Variants in GRIN2A observed in about 807,000 individuals in gnomAD.
GRIN2A encodes the protein glutamate receptor ionotropic, NMDA 2A.
A neutral mutation model predicts 113.4 loss-of-function variants in GRIN2A; 22 were observed. That is an observed-to-expected ratio of 0.19 (90% CI 0.14 to 0.28). The LOEUF is 0.28. Ranked by LOEUF, GRIN2A falls within the 10% of genes least tolerant of loss-of-function variation. The pLI is 1.00. For synonymous variants in GRIN2A, 827 were observed against 738.4 expected (o/e 1.12, Z -1.94); for missense variants, 1,502 against 1,887.0 (o/e 0.80, Z 3.78).
chr16:10,121,524 G>A (rs1416087003), intron 2 of GRIN2A: 1 of 152,136 alleles, frequency 6.6e-6, no homozygotes, highest in Non-Finnish European at 1.5e-5. Flanking sequence ...TGTGACCATG[G>A]AAATCAGGCA....
rs766736618 is a variant in GRIN2A at position 9,938,507 on chromosome 16, C to T, written c.459G>A (p.Gln153=). Residue 153 remains glutamine (Q), a synonymous_variant, in exon 3 of 13, where the codon CAG becomes CAA. Transcript: ENST00000330684. ...TGATCTTCAGCATGACCGTGGCTTG[C>T]TGCTGGATGGACGCTCCAAACTGGA... ...TFFQFGASIQ[Q]QATVMLKIMQ... 3.1e-6 allele frequency: 5 copies of T among 1,610,466 alleles called. 1 individual carries two copies. The South Asian group carries it at 4.4e-5, about 14-fold the overall frequency.
intron 10 of GRIN2A, among the ~76,000 whole-genome samples, chr16:9,799,969 A>ATTG (rs869278865): frequency 7.4e-5 from 5 of 67,352 alleles, no homozygotes; most frequent in Admixed American, 2.5e-4. Flanking sequence ...CCTAAATATT[A>ATTG]TTATTATTAT....
intron 2 of GRIN2A, among the ~76,000 whole-genome samples, chr16:10,011,785 A>C (rs2046510280): frequency 6.6e-6 from 1 of 152,120 alleles, no homozygotes; most frequent in African/African-American, 2.4e-5. Context: ...GACGTTCACC[A>C]AGCATCGTTC....
intron 2 of GRIN2A, among the ~76,000 whole-genome samples, chr16:9,948,407 A>G (rs2045076241): frequency 6.6e-6 from 1 of 152,180 alleles, no homozygotes; most frequent in Non-Finnish European, 1.5e-5. Context: ...CTGCTAGTCC[A>G]TGGACCAAGC....
At chr16:10,127,220 C>A (rs35704546) in intron 2 of GRIN2A, among the ~76,000 whole-genome samples, 13,797 of 149,092 alleles carry the variant, frequency 0.093, 668 homozygotes, top group Middle Eastern at 0.11. Context: ...AACAGAGATT[C>A]AGTCTTGAAA....
chr16:10,049,506 T>C (rs2047319333), intron 2 of GRIN2A, among the ~76,000 whole-genome samples: 1 of 152,104 alleles, frequency 6.6e-6, no homozygotes, highest in African/African-American at 2.4e-5. Context: ...GCCTCCTGAG[T>C]AGCTGGGGTT....
chr16:10,020,309 T>C (rs1254655034), intron 2 of GRIN2A, among the ~76,000 whole-genome samples: 1 of 152,168 alleles, frequency 6.6e-6, no homozygotes, highest in African/African-American at 2.4e-5. Context: ...CCCAGCTACT[T>C]GAGAGGCTCA....
chr16:9,912,550 C>T (rs1233360002), intron 3 of GRIN2A, among the ~76,000 whole-genome samples: 1 of 151,820 alleles, frequency 6.6e-6, no homozygotes, highest in African/African-American at 2.4e-5. Flanking sequence ...TGGTTAAGAA[C>T]AGAAGCTTTG....
chr16:10,127,741 G>C (rs1051571031), intron 2 of GRIN2A, among the ~76,000 whole-genome samples: 8 of 152,098 alleles, frequency 5.3e-5, no homozygotes, highest in African/African-American at 1.9e-4. Context: ...AGCAAGAAAA[G>C]GGCCAGCACC....
chr16:10,150,291 C>G (rs928199513), intron 2 of GRIN2A, among the ~76,000 whole-genome samples: 1 of 152,146 alleles, frequency 6.6e-6, no homozygotes, highest in African/African-American at 2.4e-5. Context: ...AAACTTTAGG[C>G]ACTGGCATCA....
chr16:9,807,574 C>T (rs559892154), intron 10 of GRIN2A, among the ~76,000 whole-genome samples: 9 of 152,232 alleles, frequency 5.9e-5, no homozygotes, highest in African/African-American at 1.9e-4. Flanking sequence ...TACTTTGTTT[C>T]TGTTAAATGT....
chr16:10,112,110 C>A (rs992886570), intron 2 of GRIN2A: 1 of 600,200 alleles, frequency 1.7e-6, no homozygotes, highest in Non-Finnish European at 3.1e-6. Context: ...CAAGCAGCTG[C>A]TGTGCAGGGC....
intron 2 of GRIN2A, among the ~76,000 whole-genome samples, chr16:10,033,215 A>C (rs1055874366): frequency 6.6e-6 from 1 of 152,216 alleles, no homozygotes. Context: ...CAGTGAGCAG[A>C]GGTTACAGAG....
chr16:9,994,892 C>A (rs1247486936), intron 2 of GRIN2A, among the ~76,000 whole-genome samples: 1 of 152,150 alleles, frequency 6.6e-6, no homozygotes, highest in South Asian at 2.1e-4. Flanking sequence ...AACAAACATA[C>A]AACCTCATTT....
intron 2 of GRIN2A, among the ~76,000 whole-genome samples, chr16:9,947,990 C>G (rs1050670987): frequency 6.6e-6 from 1 of 152,138 alleles, no homozygotes; most frequent in African/African-American, 2.4e-5. Flanking sequence ...AGCACTAATG[C>G]AAATACAAAC....
At position 10,044,007 on chromosome 16, in the gene GRIN2A, G is replaced by GTGTATATA. The variant is rs1555469968; in HGVS notation, c.415-105457_415-105456insTATATACA. 7.7e-3 allele frequency among the ~76,000 whole-genome samples: 895 copies of GTGTATATA among 116,618 alleles called. 7 individuals carry two copies. Among genetic ancestry groups the GTGTATATA allele is most frequent in the Non-Finnish European group, 8.6e-3 (500 of 57,854 alleles). 76.5% of individuals were successfully genotyped at this position (116,618 alleles called of 152,430 possible). A position where few individuals can be genotyped will look rare whatever the true frequency, so the allele number is the denominator to read the frequency against. On this transcript the variant is annotated intron_variant, in intron 2 of 12. Transcript: ENST00000330684. ...TACACATACGTGTGTGTGTGTGTGT[G>GTGTATATA]TATATATATATATATAGAGAGAGAG...
chr16:10,100,091 G>A, intron 2 of GRIN2A, among the ~76,000 whole-genome samples: 1 of 152,146 alleles, frequency 6.6e-6, no homozygotes, highest in East Asian at 1.9e-4. Flanking sequence ...GGTGAAGGGG[G>A]GACATGAGGG....
chr16:10,141,764 T>G (rs1159633601), intron 2 of GRIN2A, among the ~76,000 whole-genome samples: 1 of 152,248 alleles, frequency 6.6e-6, no homozygotes, highest in East Asian at 1.9e-4. Flanking sequence ...AGGGCACCTC[T>G]GTGAGGTAAA....
At chr16:9,812,622 A>G (rs898329590) in intron 10 of GRIN2A, among the ~76,000 whole-genome samples, 38 of 152,190 alleles carry the variant, frequency 2.5e-4, no homozygotes, top group African/African-American at 9.2e-4. Flanking sequence ...TGGGTGACAG[A>G]GCGAGACTCT....
Sources: allele counts gnomAD v4.1 joint callset (sites outside exome capture counted in the v4.1 genomes callset), GRCh38; gene constraint gnomAD v4.1.1; transcripts MANE v1.5; gene names NCBI Gene and HGNC (gene_info 2026-07-23, HGNC 2026-07-21).